Variants in EVI5 observed in about 807,000 individuals in gnomAD.
EVI5 encodes the protein ecotropic viral integration site 5.
A neutral mutation model predicts 112.0 loss-of-function variants in EVI5; 73 were observed. That is an observed-to-expected ratio of 0.65 (90% confidence interval 0.54 to 0.79). EVI5 has a LOEUF of 0.79. Ranked by LOEUF, EVI5 falls within the 30% of genes least tolerant of loss-of-function variation. The pLI, the probability that EVI5 is intolerant of heterozygous loss-of-function variation, is 0.00. For synonymous variants in EVI5, 305 were observed against 319.9 expected, an observed-to-expected ratio of 0.95 and a Z score of 0.50; for missense variants, 900 against 968.8, an observed-to-expected ratio of 0.93 and a Z score of 0.94.
intron 1 of EVI5, among the ~76,000 whole-genome samples, chr1:92,766,977 G>A (rs1000547384): frequency 1.5e-4 from 23 of 151,330 alleles, no homozygotes; most frequent in African/African-American, 5.6e-4. Context: ...AGCGACTCGG[G>A]AGGCTGAGGC....
At chr1:92,555,011 G>C (rs6685416) in intron 19 of EVI5, among the ~76,000 whole-genome samples, 3,121 of 152,034 alleles carry the variant, frequency 0.021, 123 homozygotes, top group African/African-American at 0.071. Context: ...GAAAAGAATG[G>C]GTTTTTAAAA....
intron 5 of EVI5, 146 bp from the exon 6 acceptor site, chr1:92,698,131 C>G: frequency 1.4e-6 from 1 of 703,212 alleles, no homozygotes; most frequent in Admixed American, 2.7e-5. Flanking sequence ...AGGTAAGAAT[C>G]AGAAAGTTCT....
chr1:92,609,537 T>C (rs1651248019), intron 16 of EVI5, among the ~76,000 whole-genome samples: 1 of 152,088 alleles, frequency 6.6e-6, no homozygotes, highest in South Asian at 2.1e-4. Context: ...TTTGTATTTT[T>C]AGTAGAGACA....
chr1:92,719,559 AGCTATTTATGAC>A (rs1674387247), intron 2 of EVI5, among the ~76,000 whole-genome samples: 1 of 152,006 alleles, frequency 6.6e-6, no homozygotes, highest in Non-Finnish European at 1.5e-5. Flanking sequence ...AAATAATAAG[AGCTATTTATGAC>A]AAACCCACAG....
rs185601172 is a variant in EVI5, at chr1:92,681,946, T to C, written c.1098-4728A>G. Among the ~76,000 whole-genome samples the C allele has an allele frequency of 3.3e-5, 5 of 152,238 alleles. No homozygotes were observed. In the East Asian group the frequency reaches 9.7e-4, roughly 30 times the overall value. On this transcript the variant is annotated intron_variant, in intron 9 of 19. Coordinates refer to ENST00000684568, the MANE Select transcript of EVI5 (RefSeq NM_001350197.2). ...ACTTCACTGCTCACCACACTCCTAT[T>C]TGCCTATGCTACTACAGTCCCATTG...
At chr1:92,521,281 A>G (rs1660884420) in intron 19 of EVI5, among the ~76,000 whole-genome samples, 1 of 152,146 alleles carries the variant, frequency 6.6e-6, no homozygotes, top group Non-Finnish European at 1.5e-5. Context: ...TTCTTTTTGT[A>G]AAAGCCTTTT....
At chr1:92,599,151 G>A (rs1648580690) in intron 18 of EVI5, among the ~76,000 whole-genome samples, 3 of 151,704 alleles carry the variant, frequency 2.0e-5, no homozygotes, top group Admixed American at 6.6e-5. Context: ...TTCATGTAAT[G>A]TATTTTCTCA....
At chr1:92,616,004 A>G (rs1285309956) in intron 16 of EVI5, among the ~76,000 whole-genome samples, 2 of 152,178 alleles carry the variant, frequency 1.3e-5, no homozygotes, top group Non-Finnish European at 2.9e-5. Context: ...TCTGCATTCA[A>G]TGTTGCAACT....
chr1:92,587,344 TA>T lies in EVI5; in HGVS notation c.2070+17962del, dbSNP rs550642466. 2.8e-3 allele frequency among the ~76,000 whole-genome samples: 396 copies of T among 143,466 alleles called. 3 individuals are homozygous for T. Among genetic ancestry groups the T allele is most frequent in the African/African-American group, 9.9e-3 (378 of 38,374 alleles). The allele number at this position is 143,466 out of a possible 152,430, so 94.1% of individuals were successfully genotyped here. A position where few individuals can be genotyped will look rare whatever the true frequency, so the allele number is the denominator to read the frequency against. ...AATGAAAAATATTTTAATATTTAGG[TA>T]AATTGCTCAAAACGAAAGCCATAAA... On this transcript the variant is annotated intron_variant, in intron 18 of 19. Transcript: ENST00000684568.
chr1:92,712,999 G>A (rs1570525442), intron 2 of EVI5, among the ~76,000 whole-genome samples: 1 of 151,422 alleles, frequency 6.6e-6, no homozygotes, highest in Non-Finnish European at 1.5e-5. Flanking sequence ...GTCTTGAGAG[G>A]CTGGTCTCAA....
chr1:92,573,986 T>C (rs1476594614), intron 18 of EVI5, among the ~76,000 whole-genome samples: 1 of 152,082 alleles, frequency 6.6e-6, no homozygotes, highest in Non-Finnish European at 1.5e-5. Context: ...TGGCAATAAA[T>C]ATGGAAACAA....
intron 7 of EVI5, 42 bp downstream of exon 7, chr1:92,695,268 C>T: frequency 1.3e-6 from 2 of 1,552,608 alleles, no homozygotes; most frequent in Non-Finnish European, 1.7e-6. Context: ...ACTCAGTGAC[C>T]CCTTTGCTCA....
intron 19 of EVI5, among the ~76,000 whole-genome samples, chr1:92,562,660 A>T (rs1398051569): frequency 1.3e-5 from 2 of 149,576 alleles, no homozygotes; most frequent in African/African-American, 2.5e-5. Context: ...AACAAATTAA[A>T]CTGAGCCACA....
Position 92,714,817 on chromosome 1 carries a change from T to C in EVI5, c.150-10073A>G, listed in dbSNP as rs187698927. ...TGTTGCCCAGGCTGGTCTTGAACTC[T>C]TGGCCTCATGCAATTCTCCCACCTC... On this transcript the variant is annotated intron_variant, in intron 2 of 19. Coordinates refer to ENST00000684568, the MANE Select transcript of EVI5 (RefSeq NM_001350197.2). 2.7e-3 allele frequency among the ~76,000 whole-genome samples: 408 copies of C among 152,220 alleles called. 3 individuals carry two copies. Among genetic ancestry groups the C allele is most frequent in the African/African-American group, 9.3e-3 (386 of 41,526 alleles).
rs567765029 is a variant in EVI5 at position 92,548,536 on chromosome 1, G to A, written c.2166+15106C>T. Among the ~76,000 whole-genome samples, 16 of 152,276 alleles carry A rather than the reference G, an allele frequency of 1.1e-4. No homozygotes were observed. In the East Asian group the frequency reaches 3.1e-3, roughly 29 times the overall value. On this transcript the variant is annotated intron_variant, in intron 19 of 19. Coordinates refer to ENST00000684568, the MANE Select transcript of EVI5 (RefSeq NM_001350197.2). ...GAAAGAAATAAAGGGTATTCAATTAGGAAAAGAGGAAGTCAAATTGTCCCT... is the reference window on the plus strand; with the variant it reads ...GAAAGAAATAAAGGGTATTCAATTAAGAAAAGAGGAAGTCAAATTGTCCCT...
chr1:92,735,755 T>A (rs897532433), intron 2 of EVI5, among the ~76,000 whole-genome samples: 1 of 143,958 alleles, frequency 6.9e-6, no homozygotes, highest in Admixed American at 7.1e-5. Flanking sequence ...TATTAAAATA[T>A]AATATGATAT....
rs973848009 is a variant in EVI5, at chr1:92,617,894, A to AC, written c.1827+6281dup. 5.9e-5 allele frequency among the ~76,000 whole-genome samples: 9 copies of AC among 152,198 alleles called. 1 individual carries two copies. The highest frequency in any genetic ancestry group is 3.9e-4 in the Admixed American group (6 of 15,298). On this transcript the variant is annotated intron_variant, in intron 16 of 19. Transcript: ENST00000684568. ...TGTGCACTCACGGAATACCTTAAAC[A>AC]CCATCATGGTATTCCACACAGCATT... is the stretch of plus-strand genomic sequence containing the variant.
intron 1 of EVI5, chr1:92,756,100 G>T: frequency 3.5e-6 from 1 of 284,280 alleles, no homozygotes; most frequent in Non-Finnish European, 7.5e-6. Flanking sequence ...TGAAGAAAAA[G>T]AAGATAGTGT....
At position 92,715,886 on chromosome 1, in the gene EVI5, G is replaced by C. The variant is rs527776758; in HGVS notation, c.150-11142C>G. On this transcript the variant is annotated intron_variant, in intron 2 of 19. Coordinates refer to ENST00000684568, the MANE Select transcript of EVI5 (RefSeq NM_001350197.2). ...GCTCAGCAGTCTGATATCGACCTGC[G>C]AGGCAGCAGCCTGGCAGGTGGAGGG... is the stretch of plus-strand genomic sequence containing the variant. 2.6e-5 allele frequency among the ~76,000 whole-genome samples: 4 copies of C among 152,196 alleles called. No individual in the cohort carries two copies. The South Asian group carries it at 8.3e-4, about 32-fold the overall frequency.
Sources: allele counts gnomAD v4.1 joint callset (sites outside exome capture counted in the v4.1 genomes callset), GRCh38; gene constraint gnomAD v4.1.1; transcripts MANE v1.5; gene names NCBI Gene and HGNC (gene_info 2026-07-23, HGNC 2026-07-21).